Variants in DMD observed in about 807,000 individuals in gnomAD.
DMD encodes dystrophin, also known as mutant dystrophin.
Under a neutral mutation model 330.1 loss-of-function variants are expected in DMD, and 63 were observed. The ratio of observed to expected loss-of-function variants is 0.19; its 90% CI spans 0.16 to 0.24. The LOEUF (loss-of-function observed/expected upper bound fraction) is 0.24. Ranked by LOEUF, DMD falls within the 10% of genes least tolerant of loss-of-function variation. DMD has a pLI of 1.00. For missense variants in DMD, 3,344 were observed against 2,684.1 expected, an observed-to-expected ratio of 1.25 and a Z score of -5.43; for synonymous variants, 1,223 against 959.8, an observed-to-expected ratio of 1.27 and a Z score of -5.07.
intron 47 of DMD, among the ~76,000 whole-genome samples, chrX:31,920,046 C>T (rs982988838): frequency 2.7e-5 from 3 of 112,183 alleles, no homozygotes; most frequent in African/African-American, 9.7e-5. Flanking sequence ...CTGTTATAAG[C>T]CTTGGCAGGT....
chrX:31,238,490 G>A (rs1486863307), intron 63 of DMD, among the ~76,000 whole-genome samples: 1 of 112,065 alleles, frequency 8.9e-6, no homozygotes, highest in African/African-American at 3.2e-5. Flanking sequence ...CAGGCCGATG[G>A]CAGAAGGAAT....
chrX:31,309,497 CT>C (rs890132264), intron 62 of DMD, among the ~76,000 whole-genome samples: 2 of 111,797 alleles, frequency 1.8e-5, no homozygotes, highest in Non-Finnish European at 3.8e-5. Context: ...GCTCATCCTC[CT>C]TTTTTTCCCC....
intron 63 of DMD, among the ~76,000 whole-genome samples, chrX:31,246,803 G>A (rs750339811): frequency 5.4e-5 from 6 of 111,036 alleles, no homozygotes; most frequent in African/African-American, 2.0e-4. Flanking sequence ...GCAGACGCCT[G>A]TAATCCCAGC....
chrX:32,180,396 A>T (rs1186272884), intron 44 of DMD, among the ~76,000 whole-genome samples: 1 of 111,785 alleles, frequency 8.9e-6, no homozygotes, highest in Non-Finnish European at 1.9e-5. Context: ...CCTGGTTTGG[A>T]TACTAAATGA....
chrX:32,588,631 G>T (rs2054547227), intron 13 of DMD, among the ~76,000 whole-genome samples: 1 of 111,786 alleles, frequency 8.9e-6, no homozygotes, highest in East Asian at 2.8e-4. Flanking sequence ...CAGGCTCTTG[G>T]GAACCCACAC....
At chrX:31,553,747 T>C (rs1290690730) in intron 55 of DMD, among the ~76,000 whole-genome samples, 1 of 112,459 alleles carries the variant, frequency 8.9e-6, no homozygotes, top group African/African-American at 3.2e-5. Context: ...TACTTAGAAA[T>C]CATACAGGAT....
chrX:32,757,955 G>A (rs891999677), intron 7 of DMD, among the ~76,000 whole-genome samples: 1 of 111,705 alleles, frequency 9.0e-6, no homozygotes, highest in Non-Finnish European at 1.9e-5. Flanking sequence ...AACAGGAGGA[G>A]GAGGAGGAAG....
At chrX:33,272,099 G>T (rs923452950) in intron 1 of DMD, among the ~76,000 whole-genome samples, 7 of 111,458 alleles carry the variant, frequency 6.3e-5, no homozygotes, top group African/African-American at 2.3e-4. Context: ...GGCCAGGCTG[G>T]TCTCAAACTC....
At chrX:33,066,073 C>A (rs1162619814) in intron 1 of DMD, among the ~76,000 whole-genome samples, 1 of 103,525 alleles carries the variant, frequency 9.7e-6, no homozygotes, top group East Asian at 3.0e-4. Context: ...AAAAAAAAAA[C>A]CACCTTAAAA....
chrX:32,544,782 T>A (rs2048812470), intron 17 of DMD, among the ~76,000 whole-genome samples: 1 of 108,856 alleles, frequency 9.2e-6, no homozygotes, highest in South Asian at 4.0e-4. Flanking sequence ...GCACTTTCCG[T>A]TACTGGAAAA....
chrX:33,171,807 T>C (rs2049361495), intron 1 of DMD, among the ~76,000 whole-genome samples: 1 of 111,454 alleles, frequency 9.0e-6, no homozygotes, highest in South Asian at 3.7e-4. Context: ...GATGAGAAAA[T>C]GAACTGACAT....
intron 30 of DMD, among the ~76,000 whole-genome samples, chrX:32,401,681 T>A (rs1473288809): frequency 1.8e-5 from 2 of 111,684 alleles, no homozygotes; most frequent in Admixed American, 9.5e-5. Context: ...AAAAAGTAAT[T>A]TGAGTCTACA....
At chrX:31,444,339 T>C (rs1242542977) in intron 60 of DMD, 142 bp downstream of exon 60, 28 of 689,337 alleles carry the variant, frequency 4.1e-5, no homozygotes, top group Non-Finnish European at 5.6e-5. Flanking sequence ...AGATGGGAAT[T>C]ATAAACTAAT....
chrX:32,429,785 C>G (rs2098230633), intron 29 of DMD, among the ~76,000 whole-genome samples: 1 of 109,855 alleles, frequency 9.1e-6, no homozygotes, highest in Non-Finnish European at 1.9e-5. Flanking sequence ...GTGGCTGTAA[C>G]TCCCCTCCAT....
intron 6 of DMD, among the ~76,000 whole-genome samples, chrX:32,812,996 G>C (rs2077481971): frequency 1.8e-5 from 2 of 110,880 alleles, no homozygotes; most frequent in African/African-American, 3.3e-5. Context: ...AGGTTAAATT[G>C]AGTATGATGA....
At chrX:33,212,109 T>C (rs2051942130), upstream of DMD, among the ~76,000 whole-genome samples, 1 of 112,414 alleles carries the variant, frequency 8.9e-6, no homozygotes, top group Non-Finnish European at 1.9e-5. Context: ...AGAATGTGTG[T>C]GTGTATAGGT....
At position 32,629,427 on chromosome X, in the gene DMD, T is replaced by A. The variant is rs749011337; in HGVS notation, c.1331+14705A>T. Among the ~76,000 whole-genome samples, 13 of 111,933 alleles carry A rather than the reference T, an allele frequency of 1.2e-4. No homozygotes were observed. In the South Asian group the frequency reaches 4.8e-3, roughly 41 times the overall value. ...ATCTTTATTGGTCAAGTGTGTTTCT[T>A]GTAAGTAACAGATTATTGTGTCTTG... On this transcript the variant is annotated intron_variant, in intron 11 of 78. Coordinates refer to ENST00000357033, the MANE Select transcript of DMD (RefSeq NM_004006.3).
intron 9 of DMD, among the ~76,000 whole-genome samples, chrX:32,685,160 G>A (rs1257234630): frequency 9.1e-6 from 1 of 109,307 alleles, no homozygotes; most frequent in East Asian, 2.8e-4. Context: ...CGGCATACTT[G>A]TTCCTGAACT....
intron 1 of DMD, among the ~76,000 whole-genome samples, chrX:33,033,496 G>C (rs1040714584): frequency 4.8e-5 from 5 of 104,945 alleles, no homozygotes; most frequent in Non-Finnish European, 9.7e-5. Context: ...GGATCACAAG[G>C]TCAGGAGATC....
Sources: gnomAD v4.1 joint callset for allele counts (sites outside exome capture counted in the v4.1 genomes callset) on GRCh38, gnomAD v4.1.1 for gene constraint, MANE v1.5 for transcripts, NCBI Gene and HGNC (gene_info 2026-07-23, HGNC 2026-07-21) for gene names.